The following ULK4 variants were observed in gnomAD, a reference collection of about 807,000 sequenced individuals.
ULK4 encodes unc-51 like kinase 4.
In ULK4, 133 loss-of-function variants were observed where a neutral mutation model predicts 160.6. That is an observed-to-expected ratio of 0.83 (90% confidence interval 0.72 to 0.96). ULK4 has a LOEUF of 0.96. ULK4 is among the 40% of genes least tolerant of loss of function. ULK4 has a pLI of 0.00. For missense variants in ULK4, 1,580 were observed against 1,499.5 expected (o/e 1.05, Z -0.89); for synonymous variants, 534 against 539.8 (o/e 0.99, Z 0.15).
chr3:41,344,863 G>A (rs1434324328), intron 35 of ULK4, among the ~76,000 whole-genome samples: 1 of 151,150 alleles, frequency 6.6e-6, no homozygotes, highest in Admixed American at 6.6e-5. Flanking sequence ...TACAGAATGG[G>A]AAAAAAATTT....
At chr3:41,489,373 G>A (rs1182869209) in intron 32 of ULK4, among the ~76,000 whole-genome samples, 1 of 152,132 alleles carries the variant, frequency 6.6e-6, no homozygotes, top group African/African-American at 2.4e-5. Flanking sequence ...TCCTTTATCA[G>A]GTACAGTGGG....
intron 30 of ULK4, among the ~76,000 whole-genome samples, chr3:41,631,335 C>T (rs533953819): frequency 6.6e-6 from 1 of 152,288 alleles, no homozygotes; most frequent in South Asian, 2.1e-4. Context: ...AGGCATTACA[C>T]TTTTTCCCTA....
rs1328101559 is a variant in ULK4 at position 41,828,345 on chromosome 3, C to G, written c.1764+7519G>C. 5.6e-3 allele frequency among the ~76,000 whole-genome samples: 839 copies of G among 149,814 alleles called. 10 individuals are homozygous for G. Among genetic ancestry groups the G allele is most frequent in the African/African-American group, 0.019 (773 of 40,406 alleles). ...AATAAAGGGCATTCAATTAGGAAAA[C>G]AGGAAGTCAAATTGTCCCTGTTTAC... On this transcript the variant is annotated intron_variant, in intron 18 of 36. Coordinates refer to ENST00000301831, the MANE Select transcript of ULK4 (RefSeq NM_017886.4).
chr3:41,748,586 T>C (rs551127047), intron 22 of ULK4, among the ~76,000 whole-genome samples: 2 of 152,278 alleles, frequency 1.3e-5, no homozygotes, highest in South Asian at 4.1e-4. Context: ...ATATAAAACA[T>C]TTACATGGTT....
intron 5 of ULK4, among the ~76,000 whole-genome samples, chr3:41,925,437 G>A (rs1396830910): frequency 6.6e-6 from 1 of 152,164 alleles, no homozygotes. Flanking sequence ...TGGTGCCTAC[G>A]CCACCAGGGC....
At chr3:41,607,563 A>G (rs992280421) in intron 31 of ULK4, among the ~76,000 whole-genome samples, 16 of 152,214 alleles carry the variant, frequency 1.1e-4, no homozygotes, top group African/African-American at 3.1e-4. Context: ...ATTAAAATAT[A>G]AAGGACATAT....
At chr3:41,939,044 A>G (rs1300824549) in intron 2 of ULK4, among the ~76,000 whole-genome samples, 4 of 152,256 alleles carry the variant, frequency 2.6e-5, no homozygotes, top group African/African-American at 7.2e-5. Flanking sequence ...TACAACATAG[A>G]GGAACGAGTG....
intron 32 of ULK4, among the ~76,000 whole-genome samples, chr3:41,510,373 C>A (rs770142622): frequency 6.6e-6 from 1 of 152,094 alleles, no homozygotes; most frequent in Non-Finnish European, 1.5e-5. Flanking sequence ...GATGTCAACA[C>A]AATAATAGTG....
chr3:41,281,005 C>T (rs1472918717), intron 35 of ULK4, among the ~76,000 whole-genome samples: 1 of 152,108 alleles, frequency 6.6e-6, no homozygotes, highest in Non-Finnish European at 1.5e-5. Context: ...ATACAAACTA[C>T]CATCAGAGAA....
chr3:41,823,307 G>C lies in ULK4; in HGVS notation c.1765-3801C>G, dbSNP rs184040419. On this transcript the variant is annotated intron_variant, in intron 18 of 36. Transcript: ENST00000301831. ...AAGGAACTGTGGGGAGGTCAGTATA[G>C]CTGGAAGGAGTGAGTAGGAAGATAG... is the stretch of plus-strand genomic sequence containing the variant. Among the ~76,000 whole-genome samples, 61 of 152,240 alleles carry C rather than the reference G, an allele frequency of 4.0e-4. No homozygotes were observed. The East Asian group carries it at 9.4e-3, about 24-fold the overall frequency.
chr3:41,816,620 G>C (rs1008701400), intron 19 of ULK4, among the ~76,000 whole-genome samples: 1 of 152,240 alleles, frequency 6.6e-6, no homozygotes, highest in Non-Finnish European at 1.5e-5. Flanking sequence ...TTCAAGACTA[G>C]CCTGGGCGAC....
intron 18 of ULK4, among the ~76,000 whole-genome samples, chr3:41,823,461 C>T (rs1243974349): frequency 6.6e-6 from 1 of 152,158 alleles, no homozygotes. Flanking sequence ...AATAAGAATA[C>T]CTGAACTCAG....
At chr3:41,930,226 G>C (rs572532390) in intron 5 of ULK4, among the ~76,000 whole-genome samples, 1 of 149,162 alleles carries the variant, frequency 6.7e-6, no homozygotes, top group South Asian at 2.1e-4. Flanking sequence ...AACAAGCAAT[G>C]GGGAAAGGAT....
At chr3:41,331,889 T>G (rs1344803627) in intron 35 of ULK4, among the ~76,000 whole-genome samples, 3 of 152,230 alleles carry the variant, frequency 2.0e-5, no homozygotes, top group Non-Finnish European at 2.9e-5. Flanking sequence ...TAATATGGAT[T>G]AAGTAGATAT....
intron 18 of ULK4, among the ~76,000 whole-genome samples, chr3:41,830,305 G>T (rs77602352): frequency 6.6e-6 from 1 of 151,256 alleles, no homozygotes; most frequent in Non-Finnish European, 1.5e-5. Context: ...ATTTAAAAAA[G>T]GTATATACCA....
chr3:41,954,634 T>C lies in ULK4; in HGVS notation c.126A>G (p.Glu42=). 6.2e-7 allele frequency: 1 copy of C among 1,612,990 alleles called. No homozygotes were observed. The highest frequency in any genetic ancestry group is 2.2e-5 in the East Asian group (1 of 44,850). The change falls in exon 2 of 37, where the codon GAA becomes GAG. Residue 42 remains glutamate, a synonymous_variant. Coordinates refer to ENST00000301831, the MANE Select transcript of ULK4 (RefSeq NM_017886.4). ...ILCTDKCKRP[E]ITNWVRLTRE... ...TACACTGACTTACCCAGTTGGTTAT[T>C]TCAGGCCTTTTGCACTTATCAGTAC...
At chr3:41,403,136 G>A (rs1394995268) in intron 34 of ULK4, among the ~76,000 whole-genome samples, 2 of 148,722 alleles carry the variant, frequency 1.3e-5, no homozygotes, top group African/African-American at 5.0e-5. Context: ...GGCAACAAGA[G>A]TGAAAACTCC....
chr3:41,886,684 T>C (rs1263483963), intron 16 of ULK4, among the ~76,000 whole-genome samples: 1 of 151,878 alleles, frequency 6.6e-6, no homozygotes, highest in Non-Finnish European at 1.5e-5. Context: ...CAAGCCATTC[T>C]CCTGCCTCAG....
chr3:41,600,616 G>C (rs1447214712), intron 31 of ULK4, among the ~76,000 whole-genome samples: 1 of 152,234 alleles, frequency 6.6e-6, no homozygotes, highest in East Asian at 1.9e-4. Flanking sequence ...GCTCAACAGA[G>C]TGTCCCCTCT....
Sources: gnomAD v4.1 joint callset for allele counts (sites outside exome capture counted in the v4.1 genomes callset) on GRCh38, gnomAD v4.1.1 for gene constraint, MANE v1.5 for transcripts, NCBI Gene and HGNC (gene_info 2026-07-23, HGNC 2026-07-21) for gene names.